ANKFN1: variants seen among roughly 807,000 people sequenced by gnomAD.
ANKFN1 encodes the protein ankyrin repeat and fibronectin type III domain containing 1.
ANKFN1 carries 74 observed loss-of-function variants against 108.7 expected under a neutral mutation model. That is an observed-to-expected ratio of 0.68 (90% CI 0.56 to 0.83). The LOEUF is 0.83. Ranked by LOEUF, ANKFN1 falls within the 40% of genes least tolerant of loss-of-function variation. The pLI is 0.00. For synonymous variants in ANKFN1, 547 were observed against 516.2 expected (o/e 1.06, Z -0.81); for missense variants, 1,505 against 1,382.3 (o/e 1.09, Z -1.41).
intron 8 of ANKFN1, among the ~76,000 whole-genome samples, chr17:56,430,507 C>CACAA (rs2145110276): frequency 7.5e-6 from 1 of 134,012 alleles, no homozygotes; most frequent in East Asian, 2.0e-4. Flanking sequence ...TTACCACACA[C>CACAA]ACACACACAC....
intron 1 of ANKFN1, among the ~76,000 whole-genome samples, chr17:56,200,035 A>G (rs1405419733): frequency 1.3e-5 from 2 of 152,156 alleles, no homozygotes; most frequent in African/African-American, 4.8e-5. Flanking sequence ...CAGCTGATGT[A>G]TCCTAGGCAT....
intron 8 of ANKFN1, among the ~76,000 whole-genome samples, chr17:56,439,719 G>A (rs2049037966): frequency 6.6e-6 from 1 of 152,176 alleles, no homozygotes; most frequent in African/African-American, 2.4e-5. Context: ...TGGAGATAAT[G>A]AAAGGAGGCT....
Position 56,238,783 on chromosome 17 carries a change from G to C in ANKFN1, c.53+10826G>C, listed in dbSNP as rs141414430. 9.3e-3 allele frequency among the ~76,000 whole-genome samples: 1,423 copies of C among 152,218 alleles called. 16 individuals are homozygous for C. Among genetic ancestry groups the C allele is most frequent in the South Asian group, 0.035 (169 of 4,822 alleles). On this transcript the variant is annotated intron_variant, in intron 3 of 20. Transcript: ENST00000682825. ...TAATTTAATTTGTAACAATTATTGT[G>C]TTTAACGAATAGCTTACAAATTCTT...
chr17:56,053,742 A>G (rs901269791), intron 4 of ANKFN1, among the ~76,000 whole-genome samples: 1 of 152,184 alleles, frequency 6.6e-6, no homozygotes. Flanking sequence ...TGTTCTTCAC[A>G]GTGATCGTAC....
intron 4 of ANKFN1, among the ~76,000 whole-genome samples, chr17:56,111,486 A>G (rs1905958439): frequency 6.6e-6 from 1 of 151,844 alleles, no homozygotes; most frequent in African/African-American, 2.4e-5. Flanking sequence ...AATGTAATAC[A>G]AGTAAATATT....
At chr17:56,353,598 T>C (rs12602961) in intron 5 of ANKFN1, among the ~76,000 whole-genome samples, 85,910 of 152,016 alleles carry the variant, frequency 0.57, 28,887 homozygotes, top group East Asian at 0.95. Context: ...TTTGCTCTTA[T>C]CTACAGCCCA....
At chr17:56,435,622 T>A (rs1026071008) in intron 8 of ANKFN1, among the ~76,000 whole-genome samples, 1 of 152,160 alleles carries the variant, frequency 6.6e-6, no homozygotes, top group Non-Finnish European at 1.5e-5. Context: ...TGATGTTTGG[T>A]TAAGACGAAG....
In ANKFN1 at chr17:56,397,543, AG is replaced by A. The variant is rs576691319; in HGVS notation, c.910+22830del. Among the ~76,000 whole-genome samples, 275 of 152,352 alleles carry A rather than the reference AG, an allele frequency of 1.8e-3. 1 individual carries two copies. The highest frequency in any genetic ancestry group is 6.1e-3 in the African/African-American group (255 of 41,578). The stretch of plus-strand genomic sequence containing the variant: ...ACTACAATGACTGATGAACCCGTCA[AG>A]AAAAATGAGATTAACTATATTCTAA... On this transcript the variant is annotated intron_variant, in intron 8 of 20. Transcript: ENST00000682825.
chr17:56,212,166 G>T (rs1276743440), intron 1 of ANKFN1, among the ~76,000 whole-genome samples: 1 of 146,820 alleles, frequency 6.8e-6, no homozygotes, highest in Non-Finnish European at 1.5e-5. Context: ...TATAATATTG[G>T]CTGTGGGTTT....
At chr17:56,087,940 A>ATG (rs923849633) in intron 4 of ANKFN1, among the ~76,000 whole-genome samples, 2 of 150,180 alleles carry the variant, frequency 1.3e-5, no homozygotes, top group Non-Finnish European at 3.0e-5. Context: ...ATACCTCTAT[A>ATG]TGTGTGTGTG....
chr17:56,135,121 A>G (rs1907521584), intron 4 of ANKFN1, among the ~76,000 whole-genome samples: 1 of 152,230 alleles, frequency 6.6e-6, no homozygotes, highest in African/African-American at 2.4e-5. Context: ...TCAATCTCAT[A>G]TAGCCCCTCT....
At chr17:56,384,510 T>G (rs2047203486) in intron 8 of ANKFN1, among the ~76,000 whole-genome samples, 1 of 152,186 alleles carries the variant, frequency 6.6e-6, no homozygotes, top group Middle Eastern at 3.2e-3. Flanking sequence ...TAAAGGGTAT[T>G]CAATTAGGAA....
At chr17:56,378,758 G>A (rs983995866) in intron 8 of ANKFN1, among the ~76,000 whole-genome samples, 3 of 152,152 alleles carry the variant, frequency 2.0e-5, no homozygotes, top group African/African-American at 7.2e-5. Flanking sequence ...CATTTTTTGT[G>A]TTAGGGTGAA....
chr17:56,217,370 A>G (rs1439175441), intron 2 of ANKFN1, among the ~76,000 whole-genome samples: 1 of 152,198 alleles, frequency 6.6e-6, no homozygotes, highest in African/African-American at 2.4e-5. Flanking sequence ...TCATGGTTTC[A>G]CTTTTAGTGA....
intron 1 of ANKFN1, among the ~76,000 whole-genome samples, chr17:56,167,995 G>C (rs1172014637): frequency 6.6e-6 from 1 of 152,110 alleles, no homozygotes; most frequent in African/African-American, 2.4e-5. Context: ...AGGCAGGCGT[G>C]GTGGCTCACA....
At position 56,456,865 on chromosome 17, in the gene ANKFN1, C is replaced by T. The variant is rs2049723372; in HGVS notation, c.1212C>T (p.Ser404=). ...ATTTTTTAAAATACATTCCAGAAAG[C>T]ACAAAATTACAAACCACAGGCCGCA... ...ALHQHYSCRE[S]TKLQTTGRKQ... Residue 404 remains serine, a synonymous_variant, in exon 12 of 21, where the codon AGC becomes AGT. Coordinates refer to ENST00000682825, the MANE Select transcript of ANKFN1 (RefSeq NM_001370326.1). 1 of 1,613,768 alleles carries T rather than the reference C, an allele frequency of 6.2e-7. No individual in the cohort carries two copies. Among genetic ancestry groups the T allele is most frequent in the Non-Finnish European group, 8.5e-7 (1 of 1,179,724 alleles).
rs1490144793 is a variant in ANKFN1, at chr17:56,513,765, C to A, written c.*2496C>A. Among the ~76,000 whole-genome samples, 3 of 152,076 alleles carry A rather than the reference C, an allele frequency of 2.0e-5. No homozygotes were observed. The highest frequency in any genetic ancestry group is 4.4e-5 in the Non-Finnish European group (3 of 67,998). ...CTTCTGTGAGGAAAGAAGGCATGCC[C>A]ACAAAAAGAATAATGCATGTTACAT... is the stretch of plus-strand genomic sequence containing the variant. On this transcript the variant is annotated 3_prime_UTR_variant, in exon 21 of 21. Coordinates refer to ENST00000682825, the MANE Select transcript of ANKFN1 (RefSeq NM_001370326.1).
chr17:56,271,974 A>G (rs987894732), intron 3 of ANKFN1, among the ~76,000 whole-genome samples: 1 of 152,180 alleles, frequency 6.6e-6, no homozygotes, highest in African/African-American at 2.4e-5. Context: ...TACCCAATAA[A>G]TAGTAGCTGT....
chr17:56,482,250 T>A lies in ANKFN1; in HGVS notation c.2092-106T>A, dbSNP rs1216205849. The A allele has an allele frequency of 7.7e-6, 8 of 1,041,328 alleles. No homozygotes were observed. The Admixed American group carries it at 1.3e-4, about 17-fold the overall frequency. 64.5% of individuals were successfully genotyped at this position (1,041,328 alleles called of 1,614,324 possible). A position where few individuals can be genotyped will look rare whatever the true frequency, so the allele number is the denominator to read the frequency against. On this transcript the variant is annotated intron_variant, in intron 17 of 20. Transcript: ENST00000682825. The stretch of plus-strand genomic sequence containing the variant: ...TTTATGTTGTATAAAAATTCCAAGC[T>A]TGAAGTTGTGTAATTTTGTGAGATG...
Sources: gnomAD v4.1 joint callset for allele counts (sites outside exome capture counted in the v4.1 genomes callset) on GRCh38, gnomAD v4.1.1 for gene constraint, MANE v1.5 for transcripts, NCBI Gene and HGNC (gene_info 2026-07-23, HGNC 2026-07-21) for gene names.